PIK3R3: variants seen among roughly 807,000 people sequenced by gnomAD.
The protein encoded by PIK3R3 is phosphoinositide-3-kinase regulatory subunit 3.
A neutral mutation model predicts 62.9 loss-of-function variants in PIK3R3; 64 were observed. The observed-to-expected ratio is 1.02, with a 90% CI of 0.83 to 1.25. The LOEUF is 1.25. PIK3R3 is among the 50% of genes most tolerant of loss of function. PIK3R3 has a pLI of 0.00. For synonymous variants in PIK3R3, 165 were observed against 189.0 expected (o/e 0.87, Z 1.04); for missense variants, 614 against 561.6 (o/e 1.09, Z -0.94).
rs771040820 is a variant in PIK3R3, at chr1:46,090,998, T to A, written c.107-10248A>T. Among the ~76,000 whole-genome samples, 83 of 152,118 alleles carry A rather than the reference T, an allele frequency of 5.5e-4. 2 individuals carry two copies. The highest frequency in any genetic ancestry group is 1.0e-3 in the Admixed American group (16 of 15,272). ...CCAAGGTGCAAAAAATAGTTTTTAC[T>A]TTTTTTATTATTTTGAGAGGAGGGT... On this transcript the variant is annotated intron_variant, in intron 1 of 9. Transcript: ENST00000262741.
At chr1:46,096,460 A>G (rs530941287) in intron 1 of PIK3R3, among the ~76,000 whole-genome samples, 5 of 152,250 alleles carry the variant, frequency 3.3e-5, no homozygotes, top group Non-Finnish European at 7.3e-5. Context: ...CTGGAATACC[A>G]GAAATTTCGT....
intron 1 of PIK3R3, chr1:46,131,640 C>G (rs1262874720): frequency 2.1e-6 from 1 of 468,664 alleles, no homozygotes; most frequent in East Asian, 5.5e-5. Flanking sequence ...CCCCCACCCC[C>G]ACCTTCGCAG....
chr1:46,150,068 C>T, the PIK3R3 span, among the ~76,000 whole-genome samples: 2 of 152,194 alleles, frequency 1.3e-5, no homozygotes, highest in African/African-American at 2.4e-5. Flanking sequence ...GCTGTTTGCA[C>T]GAAATCCAAG....
At chr1:46,054,745 G>A (rs528248054) in intron 7 of PIK3R3, among the ~76,000 whole-genome samples, 2 of 152,200 alleles carry the variant, frequency 1.3e-5, no homozygotes, top group East Asian at 1.9e-4. Context: ...ATTTTATTCT[G>A]ATACTATCTT....
At chr1:46,068,960 G>A (rs999898911) in intron 3 of PIK3R3, among the ~76,000 whole-genome samples, 2 of 152,186 alleles carry the variant, frequency 1.3e-5, no homozygotes, top group African/African-American at 2.4e-5. Flanking sequence ...AAAGGAGGCA[G>A]CAGTAGAAGT....
intron 1 of PIK3R3, among the ~76,000 whole-genome samples, chr1:46,128,148 T>C (rs935862794): frequency 6.6e-5 from 10 of 152,160 alleles, no homozygotes; most frequent in African/African-American, 2.4e-4. Context: ...AAAATTAAGA[T>C]GAAAGGCTAG....
chr1:46,133,313 C>A (rs553148546), upstream of PIK3R3, among the ~76,000 whole-genome samples: 2 of 152,352 alleles, frequency 1.3e-5, no homozygotes, highest in African/African-American at 4.8e-5. Flanking sequence ...AGGCGGGGCT[C>A]CTGCTGAGGC....
intron 3 of PIK3R3, among the ~76,000 whole-genome samples, chr1:46,074,226 C>T (rs1475941580): frequency 1.6e-5 from 2 of 124,204 alleles, no homozygotes; most frequent in Non-Finnish European, 3.2e-5. Flanking sequence ...GGAGGCGGAG[C>T]TTGCAGTGAG....
chr1:46,143,610 G>A, the PIK3R3 span, among the ~76,000 whole-genome samples: 1 of 151,786 alleles, frequency 6.6e-6, no homozygotes, highest in Admixed American at 6.6e-5. Flanking sequence ...CCAGTAGCTG[G>A]GACTATAGCA....
intron 1 of PIK3R3, among the ~76,000 whole-genome samples, chr1:46,102,670 T>C (rs1652807940): frequency 6.6e-6 from 1 of 151,980 alleles, no homozygotes; most frequent in African/African-American, 2.4e-5. Context: ...GTGGAGTAAC[T>C]GGAACCCTTG....
At chr1:46,148,677 A>G in the PIK3R3 span, among the ~76,000 whole-genome samples, 1 of 152,062 alleles carries the variant, frequency 6.6e-6, no homozygotes, top group African/African-American at 2.4e-5. Context: ...CTCAAATAAA[A>G]TCTGAGCAGA....
In PIK3R3 at chr1:46,055,820, G is replaced by A. The variant is rs868011174; in HGVS notation, c.916C>T (p.Arg306Ter). 1.3e-5 allele frequency: 19 copies of A among 1,476,170 alleles called. No homozygotes were observed. The highest frequency in any genetic ancestry group is 7.7e-5 in the East Asian group (3 of 39,084). 91.4% of individuals were successfully genotyped at this position (1,476,170 alleles called of 1,614,324 possible). ...NSIKPDLIQL[R>*]KIRDQHLVWL... ...ACAAGGTGTTGATCTCGGATCTTTCGCAGCTGGATCAGGTCAGGTTTGATG... is the reference window on the plus strand; with the variant it reads ...ACAAGGTGTTGATCTCGGATCTTTCACAGCTGGATCAGGTCAGGTTTGATG... The change falls in exon 7 of 10, where the codon CGA (arginine) becomes TGA (stop). Residue 306 changes from arginine (R) to a stop codon, truncating the protein, a stop_gained. Transcript: ENST00000262741. LOFTEE classifies it high-confidence loss of function.
At chr1:46,077,823 C>T (rs1008925351) in intron 2 of PIK3R3, among the ~76,000 whole-genome samples, 1 of 152,168 alleles carries the variant, frequency 6.6e-6, no homozygotes, top group South Asian at 2.1e-4. Context: ...ACGCAATCTA[C>T]AGAAGAGCTA....
intron 1 of PIK3R3, among the ~76,000 whole-genome samples, chr1:46,112,527 A>G (rs1443443066): frequency 2.0e-5 from 3 of 152,162 alleles, no homozygotes; most frequent in African/African-American, 7.2e-5. Context: ...TCACATCTCC[A>G]CCAATAGTGA....
intron 1 of PIK3R3, among the ~76,000 whole-genome samples, chr1:46,114,269 G>C (rs1653984963): frequency 6.6e-6 from 1 of 152,146 alleles, no homozygotes; most frequent in African/African-American, 2.4e-5. Flanking sequence ...GTGGTTCCAA[G>C]AGAAAAATCA....
intron 1 of PIK3R3, among the ~76,000 whole-genome samples, chr1:46,127,745 G>A (rs1655224810): frequency 6.6e-6 from 1 of 152,064 alleles, no homozygotes. Context: ...GTTGTTTTTT[G>A]TAGAAATGGC....
At chr1:46,117,596 A>C (rs1274630889) in intron 1 of PIK3R3, among the ~76,000 whole-genome samples, 1 of 152,048 alleles carries the variant, frequency 6.6e-6, no homozygotes, top group Non-Finnish European at 1.5e-5. Context: ...AAAAGAGAAA[A>C]ATTAGCTGGG....
At chr1:46,145,026 G>A in the PIK3R3 span, among the ~76,000 whole-genome samples, 1 of 151,744 alleles carries the variant, frequency 6.6e-6, no homozygotes, top group Non-Finnish European at 1.5e-5. Flanking sequence ...GGGAGGCTGA[G>A]GCAGGAGAAT....
At chr1:46,137,719 A>G (rs1655980545), upstream of PIK3R3, among the ~76,000 whole-genome samples, 1 of 152,196 alleles carries the variant, frequency 6.6e-6, no homozygotes, top group African/African-American at 2.4e-5. Flanking sequence ...GTTGGACAAC[A>G]GTGGTTCCTC....
Sources: allele counts gnomAD v4.1 joint callset (sites outside exome capture counted in the v4.1 genomes callset), GRCh38; gene constraint gnomAD v4.1.1; transcripts MANE v1.5; gene names NCBI Gene and HGNC (gene_info 2026-07-23, HGNC 2026-07-21).